The following RCSD1 variants were observed in gnomAD, a reference collection of about 807,000 sequenced individuals.
RCSD1 encodes the protein capZ-interacting protein.
Under a neutral mutation model 42.5 loss-of-function variants are expected in RCSD1, and 26 were observed. The ratio of observed to expected loss-of-function variants is 0.61; its 90% CI spans 0.45 to 0.85. RCSD1 has a LOEUF of 0.85. RCSD1 is among the 40% of genes least tolerant of loss of function. The pLI, the probability that RCSD1 is intolerant of heterozygous loss-of-function variation, is 0.00. For synonymous variants in RCSD1, 220 were observed against 212.2 expected (o/e 1.04, Z -0.32); for missense variants, 571 against 528.3 (o/e 1.08, Z -0.79).
At chr1:167,693,176 G>T (rs1659416460) in intron 4 of RCSD1, among the ~76,000 whole-genome samples, 3 of 152,208 alleles carry the variant, frequency 2.0e-5, no homozygotes, top group Admixed American at 2.0e-4. Context: ...AAGTCTCAAA[G>T]AGGCTCTGTC....
intron 1 of RCSD1, among the ~76,000 whole-genome samples, chr1:167,634,248 G>A (rs1657774482): frequency 6.6e-6 from 1 of 152,202 alleles, no homozygotes; most frequent in South Asian, 2.1e-4. Flanking sequence ...AACTGGAACT[G>A]TCAGCCTCCC....
At chr1:167,664,331 A>C (rs1658603608) in intron 1 of RCSD1, 1 of 152,276 alleles carries the variant, frequency 6.6e-6, no homozygotes, top group African/African-American at 2.4e-5. Context: ...CTGCAGCCAC[A>C]GCGCATTCCT....
intron 1 of RCSD1, among the ~76,000 whole-genome samples, chr1:167,636,782 C>T (rs1657867925): frequency 6.6e-6 from 1 of 152,120 alleles, no homozygotes; most frequent in Non-Finnish European, 1.5e-5. Flanking sequence ...GATGAGGTTT[C>T]ACCATGTTGG....
At chr1:167,634,547 T>C (rs1019011282) in intron 1 of RCSD1, among the ~76,000 whole-genome samples, 3 of 152,142 alleles carry the variant, frequency 2.0e-5, no homozygotes, top group Non-Finnish European at 4.4e-5. Context: ...GACAGAGGTG[T>C]GTAAAGAAGG....
intron 1 of RCSD1, among the ~76,000 whole-genome samples, chr1:167,663,258 G>C (rs1658579126): frequency 6.6e-6 from 1 of 152,212 alleles, no homozygotes; most frequent in African/African-American, 2.4e-5. Flanking sequence ...GAGAGCCCCT[G>C]CCCTCACTTG....
At chr1:167,666,634 G>A (rs1361973272) in intron 1 of RCSD1, among the ~76,000 whole-genome samples, 10 of 152,194 alleles carry the variant, frequency 6.6e-5, no homozygotes, top group African/African-American at 2.4e-4. Flanking sequence ...GACAGTAACT[G>A]TGAATCAGCC....
intron 3 of RCSD1, among the ~76,000 whole-genome samples, 153 bp downstream of exon 3, chr1:167,685,663 T>C (rs548793816): frequency 6.6e-6 from 1 of 152,220 alleles, no homozygotes. Context: ...TCCTCTTAAA[T>C]GTTTCCTGAA....
rs147353919 is a variant in RCSD1, at chr1:167,697,655, C to T, written c.1031C>T (p.Ala344Val). 3.2e-4 allele frequency: 521 copies of T among 1,605,472 alleles called. 4 individuals carry two copies. In the African/African-American group the frequency reaches 6.3e-3, roughly 19 times the overall value. The change falls in exon 6 of 7, where the codon GCA (alanine) becomes GTA (valine). Residue 344 changes from alanine to valine, a missense_variant. Coordinates refer to ENST00000367854, the MANE Select transcript of RCSD1 (RefSeq NM_052862.4). ...ACAAAGAAGCTGGAGGAGGGAGCTG[C>T]AGTGAAGGAGACCCCCCACAGTCCC... ...QETKKLEEGA[A>V]VKETPHSPPG...
At chr1:167,647,253 C>G (rs1486455575) in intron 1 of RCSD1, among the ~76,000 whole-genome samples, 1 of 152,052 alleles carries the variant, frequency 6.6e-6, no homozygotes, top group Non-Finnish European at 1.5e-5. Flanking sequence ...TTATAACCCA[C>G]AGCCATGCAT....
chr1:167,667,337 G>A (rs1423000790), intron 1 of RCSD1, among the ~76,000 whole-genome samples: 1 of 152,130 alleles, frequency 6.6e-6, no homozygotes, highest in Non-Finnish European at 1.5e-5. Context: ...CCAGAGATGT[G>A]GACTTCAGAA....
At chr1:167,655,647 A>G (rs1268390849) in intron 1 of RCSD1, among the ~76,000 whole-genome samples, 1 of 152,142 alleles carries the variant, frequency 6.6e-6, no homozygotes, top group African/African-American at 2.4e-5. Context: ...CTCTCTCTTA[A>G]TACCAGCTGA....
rs369057322 is a variant in RCSD1, at chr1:167,694,176, G to A, written c.348G>A (p.Ser116=). The part of the protein sequence containing the change: ...PKSPGLKAMV[S]PFHSPPSTPS... ...GTCCTGGACTCAAGGCTATGGTGTCGCCATTTCACAGCCCACCTTCTACCC... is the reference window on the plus strand; with the variant it reads ...GTCCTGGACTCAAGGCTATGGTGTCACCATTTCACAGCCCACCTTCTACCC... Residue 116 remains serine, a synonymous_variant, in exon 5 of 7, where the codon TCG becomes TCA. Coordinates refer to ENST00000367854, the MANE Select transcript of RCSD1 (RefSeq NM_052862.4). 32 of 1,614,016 alleles carry A rather than the reference G, an allele frequency of 2.0e-5. No individual in the cohort carries two copies. Among genetic ancestry groups the A allele is most frequent in the Admixed American group, 5.0e-5 (3 of 59,998 alleles).
chr1:167,676,106 A>G (rs1031453585), intron 1 of RCSD1, among the ~76,000 whole-genome samples: 2 of 152,224 alleles, frequency 1.3e-5, no homozygotes, highest in Admixed American at 6.5e-5. Flanking sequence ...AGCCTGTAAC[A>G]TAACTACTAT....
At chr1:167,702,915 C>T (rs564096386) in intron 6 of RCSD1, among the ~76,000 whole-genome samples, 2 of 152,298 alleles carry the variant, frequency 1.3e-5, no homozygotes, top group East Asian at 1.9e-4. Context: ...CAAAGACATT[C>T]GAAATATTTG....
intron 1 of RCSD1, among the ~76,000 whole-genome samples, chr1:167,646,021 G>A (rs1433601227): frequency 6.6e-6 from 1 of 152,214 alleles, no homozygotes; most frequent in African/African-American, 2.4e-5. Flanking sequence ...AGAATGGAAA[G>A]GCAATGAAGC....
intron 1 of RCSD1, among the ~76,000 whole-genome samples, chr1:167,631,534 G>A (rs1657696580): frequency 6.6e-6 from 1 of 152,104 alleles, no homozygotes; most frequent in Admixed American, 6.5e-5. Flanking sequence ...ACCCAGGCTG[G>A]AGTGCAGTGG....
At chr1:167,644,011 T>A (rs1199290533) in intron 1 of RCSD1, among the ~76,000 whole-genome samples, 2 of 152,130 alleles carry the variant, frequency 1.3e-5, no homozygotes, top group Non-Finnish European at 2.9e-5. Context: ...TAAATCTCTC[T>A]GGGCTTCTGT....
chr1:167,694,042 T>C (rs1659438412), intron 4 of RCSD1, 57 bp from the exon 5 acceptor site: 1 of 1,563,658 alleles, frequency 6.4e-7, no homozygotes, highest in African/African-American at 1.4e-5. Flanking sequence ...CAAGCTAAAG[T>C]AGAGGCTCTG....
intron 1 of RCSD1, among the ~76,000 whole-genome samples, chr1:167,646,682 C>A (rs1455867182): frequency 6.6e-6 from 1 of 152,124 alleles, no homozygotes; most frequent in Non-Finnish European, 1.5e-5. Flanking sequence ...AGTTTCTAAT[C>A]CTGCCTAGGC....
Sources: allele counts gnomAD v4.1 joint callset (sites outside exome capture counted in the v4.1 genomes callset), GRCh38; gene constraint gnomAD v4.1.1; transcripts MANE v1.5; gene names NCBI Gene and HGNC (gene_info 2026-07-23, HGNC 2026-07-21).